Variants in ACTR3 observed in about 807,000 individuals in gnomAD.
The protein encoded by ACTR3 is actin-related protein 3.
Under a neutral mutation model 56.8 loss-of-function variants are expected in ACTR3, and 12 were observed. That is an observed-to-expected ratio of 0.21 (90% CI 0.14 to 0.34). The LOEUF (loss-of-function observed/expected upper bound fraction) is 0.34, where lower values mean the gene tolerates loss of function less well. Ranked by LOEUF, ACTR3 falls within the 10% of genes least tolerant of loss-of-function variation. ACTR3 has a pLI of 1.00. For missense variants in ACTR3, 282 were observed against 512.5 expected (o/e 0.55, Z 4.34); for synonymous variants, 162 against 167.4 (o/e 0.97, Z 0.25).
At chr2:113,911,419 C>CT (rs34495665) in intron 1 of ACTR3, among the ~76,000 whole-genome samples, 32,170 of 117,554 alleles carry the variant, frequency 0.27, 5,168 homozygotes, top group East Asian at 0.49. Context: ...ATTTGGCACA[C>CT]TTTTTTTTTT....
At chr2:113,952,176 C>T (rs1186222504) in intron 10 of ACTR3, 1 of 204,368 alleles carries the variant, frequency 4.9e-6, no homozygotes, top group East Asian at 1.1e-4. Flanking sequence ...ATGTTTTATA[C>T]TATAGAAGGA....
chr2:113,917,119 T>C, intron 3 of ACTR3, 111 bp downstream of exon 3: 1 of 918,684 alleles, frequency 1.1e-6, no homozygotes, highest in African/African-American at 1.7e-5. Context: ...TCAAACCTCT[T>C]CTCAGTAGAA....
rs563842492 is a variant in ACTR3 at position 113,914,938 on chromosome 2, TGAA to T, written c.100+1715_100+1717del. On this transcript the variant is annotated intron_variant, in intron 2 of 11. Coordinates refer to ENST00000263238, the MANE Select transcript of ACTR3 (RefSeq NM_005721.5). ...ATGCATGTTTGTTATCTACTGAACATGAAGAATAGGTTTGCTTTTCTTTGTAGT... is the reference window on the plus strand; with the variant it reads ...ATGCATGTTTGTTATCTACTGAACATGAATAGGTTTGCTTTTCTTTGTAGT... Among the ~76,000 whole-genome samples the T allele has an allele frequency of 2.6e-3, 399 of 152,362 alleles. 1 individual carries two copies. The highest frequency in any genetic ancestry group is 9.2e-3 in the African/African-American group (384 of 41,596).
At chr2:113,890,847 C>A (rs1678879947) in intron 1 of ACTR3, 3 of 960,926 alleles carry the variant, frequency 3.1e-6, no homozygotes, top group Non-Finnish European at 3.7e-6. Context: ...AAGAATCGGA[C>A]TCTGAAAATG....
rs1010033342 is a variant in ACTR3 at position 113,934,468 on chromosome 2, T to A, written c.540+82T>A. ...AAATTATACGAATTAATGTTACTTT[T>A]AAAAAACTTTAAATGCTGCACTATA... On this transcript the variant is annotated intron_variant, in intron 6 of 11. Transcript: ENST00000263238. 4.4e-6 allele frequency: 4 copies of A among 902,066 alleles called. No individual in the cohort carries two copies. The South Asian group carries it at 8.3e-5, about 19-fold the overall frequency. The allele number at this position is 902,066 out of a possible 1,614,324, so 55.9% of individuals were successfully genotyped here. A position where few individuals can be genotyped will look rare whatever the true frequency, so the allele number is the denominator to read the frequency against.
intron 3 of ACTR3, among the ~76,000 whole-genome samples, chr2:113,925,002 T>G (rs1365217139): frequency 6.6e-6 from 1 of 151,728 alleles, no homozygotes; most frequent in Non-Finnish European, 1.5e-5. Flanking sequence ...GTTCAAGAGA[T>G]TCTCCTGCCT....
chr2:113,955,576 GTT>G, intron 10 of ACTR3, 45 bp from the exon 11 acceptor site: 1 of 1,353,436 alleles, frequency 7.4e-7, no homozygotes, highest in Non-Finnish European at 1.0e-6. Context: ...CACAGAAGTT[GTT>G]ATTTGAATTT....
At chr2:113,896,799 T>C (rs1044511035) in intron 1 of ACTR3, among the ~76,000 whole-genome samples, 1 of 152,240 alleles carries the variant, frequency 6.6e-6, no homozygotes, top group Admixed American at 6.5e-5. Context: ...ATCGCTATGC[T>C]GACAATCTTA....
chr2:113,896,979 ATG>A (rs763471028), intron 1 of ACTR3, among the ~76,000 whole-genome samples: 1 of 152,236 alleles, frequency 6.6e-6, no homozygotes, highest in Non-Finnish European at 1.5e-5. Context: ...ATGTAGCAAC[ATG>A]TGTTTCCTGA....
At chr2:113,923,318 ATTTGTTTG>A (rs139721258) in intron 3 of ACTR3, among the ~76,000 whole-genome samples, 1,202 of 54,740 alleles carry the variant, frequency 0.022, 8 homozygotes, top group Non-Finnish European at 0.049. Context: ...AACATGGAAT[ATTTGTTTG>A]TTTGTTTGTT....
chr2:113,910,005 C>A (rs148289288), intron 1 of ACTR3, among the ~76,000 whole-genome samples: 18 of 152,234 alleles, frequency 1.2e-4, no homozygotes, highest in African/African-American at 3.9e-4. Context: ...TTCGGACATA[C>A]AACTCCTATA....
intron 10 of ACTR3, chr2:113,952,146 A>G (rs1370775061): frequency 4.2e-6 from 1 of 240,914 alleles, no homozygotes; most frequent in Non-Finnish European, 8.2e-6. Context: ...CAACAATCAA[A>G]TTAATTATGG....
In ACTR3 at chr2:113,959,387, C is replaced by T. The variant is rs1160957611; in HGVS notation, c.*1932C>T. Reference sequence around the variant, plus strand: ...CCCAATAAAATATTGTTAGCATTGTCATAAATATGTCTTTTCCACCGGCGA... The same window carrying T: ...CCCAATAAAATATTGTTAGCATTGTTATAAATATGTCTTTTCCACCGGCGA... On this transcript the variant is annotated 3_prime_UTR_variant, in exon 12 of 12. Transcript: ENST00000263238. 6.6e-6 allele frequency: 1 copy of T among 151,914 alleles called. No homozygotes were observed. The highest frequency in any genetic ancestry group is 1.5e-5 in the Non-Finnish European group (1 of 67,884). 9.4% of individuals were successfully genotyped at this position (151,914 alleles called of 1,614,324 possible).
At chr2:113,922,239 G>T (rs1679524998) in intron 3 of ACTR3, among the ~76,000 whole-genome samples, 1 of 152,130 alleles carries the variant, frequency 6.6e-6, no homozygotes, top group South Asian at 2.1e-4. Context: ...TGGAAGACAT[G>T]TCTGAATGCT....
At chr2:113,901,295 T>C (rs1449823253) in intron 1 of ACTR3, among the ~76,000 whole-genome samples, 1 of 152,066 alleles carries the variant, frequency 6.6e-6, no homozygotes, top group African/African-American at 2.4e-5. Flanking sequence ...GAGGCAGAGG[T>C]TGTGGTGGGC....
chr2:113,957,742 T>A lies in ACTR3; in HGVS notation c.*287T>A, dbSNP rs45500094. 8.3e-3 allele frequency: 2,624 copies of A among 315,730 alleles called. 16 individuals carry two copies. Among genetic ancestry groups the A allele is most frequent in the Middle Eastern group, 0.014 (14 of 1,000 alleles). 19.6% of individuals were successfully genotyped at this position (315,730 alleles called of 1,614,324 possible). The stretch of plus-strand genomic sequence containing the variant: ...TGATATTTTGTATATTAATGAATTA[T>A]CCAAGATTCGATGGGATTTATCAGT... On this transcript the variant is annotated 3_prime_UTR_variant, in exon 12 of 12. Transcript: ENST00000263238.
intron 7 of ACTR3, among the ~76,000 whole-genome samples, chr2:113,940,424 C>T (rs563059317): frequency 6.6e-6 from 1 of 152,060 alleles, no homozygotes; most frequent in African/African-American, 2.4e-5. Flanking sequence ...CCTTGCATCT[C>T]AGTTTCTTCA....
At position 113,899,392 on chromosome 2, in the gene ACTR3, G is replaced by T. The variant is rs573197586; in HGVS notation, c.44+9069G>T. 3.1e-3 allele frequency among the ~76,000 whole-genome samples: 470 copies of T among 152,208 alleles called. 4 individuals carry two copies. The highest frequency in any genetic ancestry group is 0.011 in the African/African-American group (445 of 41,522). The stretch of plus-strand genomic sequence containing the variant: ...CACATATGAAAGTAAAAAAATAGAA[G>T]AACTTAAAGTAATCAAGTATTTATT... On this transcript the variant is annotated intron_variant, in intron 1 of 11. Transcript: ENST00000263238.
intron 4 of ACTR3, among the ~76,000 whole-genome samples, chr2:113,929,657 A>G (rs1457057643): frequency 6.6e-6 from 1 of 151,748 alleles, no homozygotes; most frequent in Non-Finnish European, 1.5e-5. Flanking sequence ...TGCTTGCTCT[A>G]TTCAAGATTT....
Sources: allele counts gnomAD v4.1 joint callset (sites outside exome capture counted in the v4.1 genomes callset), GRCh38; gene constraint gnomAD v4.1.1; transcripts MANE v1.5; gene names NCBI Gene and HGNC (gene_info 2026-07-23, HGNC 2026-07-21).